The following CCDC146 variants were observed in gnomAD, a reference collection of about 807,000 sequenced individuals.
CCDC146 encodes the protein coiled-coil domain-containing protein 146.
Under a neutral mutation model 119.3 loss-of-function variants are expected in CCDC146, and 92 were observed. That is an observed-to-expected ratio of 0.77 (90% CI 0.65 to 0.92). CCDC146 has a LOEUF of 0.92. Ranked by LOEUF, CCDC146 falls within the 40% of genes least tolerant of loss-of-function variation. The pLI, the probability that CCDC146 is intolerant of heterozygous loss-of-function variation, is 0.00. For synonymous variants in CCDC146, 372 were observed against 371.8 expected, an observed-to-expected ratio of 1.00 and a Z score of -0.01; for missense variants, 1,000 against 1,103.0, an observed-to-expected ratio of 0.91 and a Z score of 1.32.
At chr7:77,176,792 A>G (rs1791506618) in intron 2 of CCDC146, among the ~76,000 whole-genome samples, 1 of 151,874 alleles carries the variant, frequency 6.6e-6, no homozygotes, top group Non-Finnish European at 1.5e-5. Context: ...TTTTCTATAT[A>G]TTTTGTTCTC....
chr7:77,190,872 A>T (rs868840760), intron 2 of CCDC146, among the ~76,000 whole-genome samples: 2 of 152,212 alleles, frequency 1.3e-5, no homozygotes, highest in Non-Finnish European at 2.9e-5. Context: ...GTAACTTTTT[A>T]AAAAATTAAA....
chr7:77,141,390 T>A (rs190726267), intron 1 of CCDC146, among the ~76,000 whole-genome samples: 2 of 152,362 alleles, frequency 1.3e-5, no homozygotes, highest in Admixed American at 1.3e-4. Flanking sequence ...CATGTGCCTG[T>A]GTCTTCATAG....
chr7:77,185,386 C>T (rs1296287749), intron 2 of CCDC146, among the ~76,000 whole-genome samples: 1 of 152,136 alleles, frequency 6.6e-6, no homozygotes, highest in Non-Finnish European at 1.5e-5. Context: ...ACACAAGTTG[C>T]TTGCCTCTTG....
chr7:77,248,039 T>C (rs1477050338), intron 4 of CCDC146, among the ~76,000 whole-genome samples: 2 of 152,212 alleles, frequency 1.3e-5, no homozygotes, highest in Non-Finnish European at 2.9e-5. Flanking sequence ...CCTAAGTGTC[T>C]GTCAAGAGAT....
intron 4 of CCDC146, among the ~76,000 whole-genome samples, chr7:77,245,054 A>G (rs538164657): frequency 6.6e-6 from 1 of 152,330 alleles, no homozygotes; most frequent in African/African-American, 2.4e-5. Context: ...AAAGGATTTT[A>G]CTGTGTAATT....
Position 77,293,166 on chromosome 7 carries a change from A to T in CCDC146, c.2630A>T (p.Glu877Val), listed in dbSNP as rs754469702. Residue 877 changes from glutamate to valine, a missense_variant, in exon 18 of 19, where the codon GAA becomes GTA. Around this residue, in one of 2 missense-constraint regions of CCDC146, gnomAD observed 985 missense variants for 1,045.3 expected, o/e 0.94. Transcript: ENST00000285871. ...TGGTTGAAAGTCCTTCGAGATGAAGAAATGCACGCCTTGGCCATCGCTGAA... is the reference window on the plus strand; with the variant it reads ...TGGTTGAAAGTCCTTCGAGATGAAGTAATGCACGCCTTGGCCATCGCTGAA... ...KEWLKVLRDE[E>V]MHALAIAEKS... 1 of 1,614,154 alleles carries T rather than the reference A, an allele frequency of 6.2e-7. No homozygotes were observed.
chr7:77,214,882 A>G (rs1486162141), intron 2 of CCDC146, among the ~76,000 whole-genome samples: 1 of 152,120 alleles, frequency 6.6e-6, no homozygotes, highest in Non-Finnish European at 1.5e-5. Context: ...TCTTGGTTGC[A>G]TGAACTTTCA....
chr7:77,139,114 C>T (rs1241734544), intron 1 of CCDC146, among the ~76,000 whole-genome samples: 3 of 152,262 alleles, frequency 2.0e-5, no homozygotes, highest in Admixed American at 2.0e-4. Context: ...ACCCAGATGT[C>T]CTTCAGTAAA....
intron 1 of CCDC146, among the ~76,000 whole-genome samples, chr7:77,166,755 C>T (rs1791342747): frequency 6.6e-6 from 1 of 152,082 alleles, no homozygotes; most frequent in Non-Finnish European, 1.5e-5. Flanking sequence ...CTTCAGAGAA[C>T]ATTTTTCTGA....
intron 2 of CCDC146, among the ~76,000 whole-genome samples, chr7:77,188,301 A>G (rs967376349): frequency 6.6e-6 from 1 of 152,140 alleles, no homozygotes; most frequent in African/African-American, 2.4e-5. Flanking sequence ...CATGTAGCGC[A>G]TAAATATGTA....
At chr7:77,208,181 T>C (rs535151480) in intron 2 of CCDC146, among the ~76,000 whole-genome samples, 2 of 152,346 alleles carry the variant, frequency 1.3e-5, no homozygotes, top group South Asian at 4.1e-4. Context: ...CTCCTCTTGA[T>C]AACTCCAAAA....
intron 15 of CCDC146, among the ~76,000 whole-genome samples, chr7:77,284,645 T>C (rs764814583): frequency 3.3e-5 from 5 of 151,454 alleles, no homozygotes; most frequent in Non-Finnish European, 5.9e-5. Context: ...AGAAAAAAAA[T>C]TGTCATTTTA....
chr7:77,191,780 G>A (rs1283993125), intron 2 of CCDC146, among the ~76,000 whole-genome samples: 1 of 151,928 alleles, frequency 6.6e-6, no homozygotes, highest in African/African-American at 2.4e-5. Flanking sequence ...TGTGGTGGCG[G>A]GCACCTGTAG....
intron 15 of CCDC146, among the ~76,000 whole-genome samples, chr7:77,285,874 G>T (rs1325843129): frequency 6.6e-6 from 1 of 152,220 alleles, no homozygotes; most frequent in Non-Finnish European, 1.5e-5. Context: ...TCCTCACAGA[G>T]TGTACATTAG....
chr7:77,124,482 C>T (rs1290631493), intron 1 of CCDC146, among the ~76,000 whole-genome samples: 5 of 152,284 alleles, frequency 3.3e-5, no homozygotes, highest in Middle Eastern at 3.4e-3. Flanking sequence ...AATTATTCTC[C>T]TCACACTATA....
intron 11 of CCDC146, among the ~76,000 whole-genome samples, chr7:77,275,961 C>T (rs1278969865): frequency 6.6e-6 from 1 of 151,978 alleles, no homozygotes; most frequent in Non-Finnish European, 1.5e-5. Context: ...AATCTCAGCA[C>T]TTTGGGAGGC....
At chr7:77,294,515 C>T (rs1379926444) in intron 18 of CCDC146, 148 bp from the exon 19 acceptor site, 1 of 572,390 alleles carries the variant, frequency 1.7e-6, no homozygotes. Context: ...TGGTGTGATT[C>T]TACCCTCCTA....
rs1341116866 is a variant in CCDC146, at chr7:77,178,715, T to A, written c.156+10891T>A. 4.6e-5 allele frequency among the ~76,000 whole-genome samples: 7 copies of A among 152,206 alleles called. No homozygotes were observed. The East Asian group carries it at 1.3e-3, about 29-fold the overall frequency. ...AATGATCTAAACTTTGATACTGGCT[T>A]TCTAAATAGTCGCTGAACGGATGTT... On this transcript the variant is annotated intron_variant, in intron 2 of 18. Transcript: ENST00000285871.
intron 4 of CCDC146, among the ~76,000 whole-genome samples, chr7:77,249,072 C>T (rs1172928203): frequency 1.3e-5 from 2 of 152,156 alleles, no homozygotes; most frequent in Non-Finnish European, 2.9e-5. Context: ...ACTTCTGGAT[C>T]TGTGCACTTT....
Sources: gnomAD v4.1 joint callset for allele counts (sites outside exome capture counted in the v4.1 genomes callset) on GRCh38, gnomAD v4.1.1 for gene constraint, gnomAD v4.1.1 regional missense constraint, MANE v1.5 for transcripts, NCBI Gene and HGNC (gene_info 2026-07-23, HGNC 2026-07-21) for gene names.